The following MAST4 variants were observed in gnomAD, a reference collection of about 807,000 sequenced individuals.
MAST4 encodes microtubule-associated serine/threonine-protein kinase 4.
MAST4 carries 89 observed loss-of-function variants against 162.7 expected under a neutral mutation model. The observed-to-expected ratio is 0.55, with a 90% confidence interval of 0.46 to 0.65. MAST4 has a LOEUF of 0.65. MAST4 is among the 30% of genes least tolerant of loss of function. MAST4 has a pLI of 0.00. For synonymous variants in MAST4, 1,479 were observed against 1,361.1 expected (o/e 1.09, Z -1.91); for missense variants, 3,153 against 3,374.0 (o/e 0.93, Z 1.62).
chr5:67,131,709 G>A, intron 15 of MAST4, 104 bp from the exon 16 acceptor site: 1 of 1,148,648 alleles, frequency 8.7e-7, no homozygotes, highest in Non-Finnish European at 1.3e-6. Context: ...GATATGCTGT[G>A]TCTATGGGTA....
Position 67,162,632 on chromosome 5 carries a change from G to T in MAST4, c.3811G>T (p.Ala1271Ser), listed in dbSNP as rs1773324991. ...ERRRSLFKKLAKQPSPLLHTS... is the reference protein window; with the variant it reads ...ERRRSLFKKLSKQPSPLLHTS... Reference sequence around the variant, plus strand: ...GAGGAGATCTCTTTTCAAAAAGCTAGCCAAGCAGCCTTCTCCTTTACTCCA... The same window carrying T: ...GAGGAGATCTCTTTTCAAAAAGCTATCCAAGCAGCCTTCTCCTTTACTCCA... The change falls in exon 28 of 29, where the codon GCC (alanine) becomes TCC (serine). Residue 1271 changes from alanine to serine, a missense_variant. By Grantham distance (99) the Ala-to-Ser change is moderately conservative. Around this residue, in one of 7 missense-constraint regions of MAST4, gnomAD observed 619 missense variants for 744.2 expected, o/e 0.83. Transcript: ENST00000403625. The T allele has an allele frequency of 6.2e-7, 1 of 1,613,546 alleles. No homozygotes were observed. Among genetic ancestry groups the T allele is most frequent in the Admixed American group, 1.7e-5 (1 of 59,974 alleles).
At chr5:66,782,614 A>T (rs2149663408) in intron 2 of MAST4, among the ~76,000 whole-genome samples, 1 of 152,348 alleles carries the variant, frequency 6.6e-6, no homozygotes, top group African/African-American at 2.4e-5. Context: ...TCATGCCAGT[A>T]GAAAACATTT....
chr5:67,066,228 G>A (rs756044194), intron 5 of MAST4, among the ~76,000 whole-genome samples: 48 of 151,598 alleles, frequency 3.2e-4, no homozygotes, highest in Admixed American at 1.1e-3. Context: ...TAAGAACAAA[G>A]AAGAATTGAA....
In MAST4 at chr5:67,048,987, G is replaced by GTATA. The variant is rs34164320; in HGVS notation, c.675-5406_675-5403dup. 6.8e-3 allele frequency among the ~76,000 whole-genome samples: 697 copies of GTATA among 102,382 alleles called. 12 individuals carry two copies. The highest frequency in any genetic ancestry group is 0.014 in the South Asian group (44 of 3,040). The allele number at this position is 102,382 out of a possible 152,430, so 67.2% of individuals were successfully genotyped here. A position where few individuals can be genotyped will look rare whatever the true frequency, so the allele number is the denominator to read the frequency against. ...ACATATAGCATATATATATATATAT[G>GTATA]TATATATATATATACACACACATAT... On this transcript the variant is annotated intron_variant, in intron 4 of 28. Transcript: ENST00000403625.
chr5:66,837,677 A>G (rs1758073427), intron 3 of MAST4, among the ~76,000 whole-genome samples: 2 of 151,792 alleles, frequency 1.3e-5, no homozygotes, highest in South Asian at 2.1e-4. Context: ...CAGCAATTCA[A>G]TTAGCATCTC....
chr5:66,762,209 A>G (rs1580390863), intron 2 of MAST4, among the ~76,000 whole-genome samples: 1 of 152,310 alleles, frequency 6.6e-6, no homozygotes, highest in East Asian at 1.9e-4. Flanking sequence ...TTGGTAACTA[A>G]GTCTTTGGTC....
At chr5:66,754,499 T>C (rs1753404008) in intron 1 of MAST4, among the ~76,000 whole-genome samples, 1 of 152,238 alleles carries the variant, frequency 6.6e-6, no homozygotes, top group African/African-American at 2.4e-5. Flanking sequence ...TATAATTTTA[T>C]TCTATTTTTT....
chr5:66,818,570 A>G (rs1386504998), intron 3 of MAST4, among the ~76,000 whole-genome samples: 3 of 152,084 alleles, frequency 2.0e-5, no homozygotes, highest in East Asian at 3.8e-4. Flanking sequence ...CTTCCTATGT[A>G]TATCTCCTTG....
rs554135142 is a variant in MAST4 at position 67,118,726 on chromosome 5, C to A, written c.1636C>A (p.Pro546Thr). ...GNYDSGTAETPETDESVSSSN... is the reference protein window; with the variant it reads ...GNYDSGTAETTETDESVSSSN... ...CTACGATAGTGGGACAGCAGAAACACCAGAAACAGATGAATCAGTGAGTGT... is the reference window on the plus strand; with the variant it reads ...CTACGATAGTGGGACAGCAGAAACAACAGAAACAGATGAATCAGTGAGTGT... Residue 546 changes from proline (P) to threonine (T), a missense_variant, in exon 13 of 29, where the codon CCA becomes ACA. Pro to Thr is a conservative substitution (Grantham distance 38). Coordinates refer to ENST00000403625, the MANE Select transcript of MAST4 (RefSeq NM_001164664.2). The A allele has an allele frequency of 4.4e-6, 7 of 1,574,298 alleles. No individual in the cohort carries two copies. In the African/African-American group the frequency reaches 6.8e-5, roughly 15 times the overall value.
intron 1 of MAST4, among the ~76,000 whole-genome samples, chr5:66,744,122 G>A (rs1752619877): frequency 6.6e-6 from 1 of 151,810 alleles, no homozygotes; most frequent in African/African-American, 2.4e-5. Context: ...AAGAAATAAA[G>A]CTGATAAGAT....
At chr5:66,974,550 A>C (rs1747887907) in intron 4 of MAST4, among the ~76,000 whole-genome samples, 1 of 152,202 alleles carries the variant, frequency 6.6e-6, no homozygotes, top group South Asian at 2.1e-4. Flanking sequence ...ACGCGTTACA[A>C]ATGACACTCA....
At chr5:66,699,786 A>G (rs915045722) in intron 1 of MAST4, among the ~76,000 whole-genome samples, 4 of 152,074 alleles carry the variant, frequency 2.6e-5, no homozygotes, top group Non-Finnish European at 4.4e-5. Context: ...GGGAGGGAGA[A>G]CATCAGGATA....
intron 1 of MAST4, among the ~76,000 whole-genome samples, chr5:66,751,277 C>G (rs530189852): frequency 5.3e-5 from 8 of 151,654 alleles, no homozygotes; most frequent in South Asian, 2.1e-4. Flanking sequence ...TCACCAGCAA[C>G]GGAACAAAGC....
At chr5:66,636,485 G>C (rs947692013) in intron 1 of MAST4, among the ~76,000 whole-genome samples, 7 of 152,212 alleles carry the variant, frequency 4.6e-5, no homozygotes, top group African/African-American at 1.7e-4. Context: ...GGGAGGGAGA[G>C]GGTTGATACT....
intron 1 of MAST4, among the ~76,000 whole-genome samples, chr5:66,608,236 A>C (rs1052685384): frequency 1.2e-4 from 18 of 150,228 alleles, no homozygotes; most frequent in African/African-American, 4.4e-4. Flanking sequence ...TTGTATTTTT[A>C]GTAGAGACAG....
At chr5:66,931,297 T>A (rs2150074564) in intron 4 of MAST4, among the ~76,000 whole-genome samples, 1 of 152,288 alleles carries the variant, frequency 6.6e-6, no homozygotes, top group East Asian at 1.9e-4. Flanking sequence ...TTTTTAAAGG[T>A]TTATTTCTGA....
At chr5:66,952,797 T>C (rs1452261948) in intron 4 of MAST4, among the ~76,000 whole-genome samples, 4 of 151,336 alleles carry the variant, frequency 2.6e-5, no homozygotes, top group African/African-American at 9.7e-5. Flanking sequence ...CTGGCAATTT[T>C]CATCCTGCAG....
intron 3 of MAST4, among the ~76,000 whole-genome samples, chr5:66,871,950 C>T (rs997105178): frequency 1.1e-4 from 17 of 152,130 alleles, no homozygotes; most frequent in African/African-American, 1.9e-4. Context: ...GTTTCATTGA[C>T]GAAAGCCTGT....
intron 5 of MAST4, among the ~76,000 whole-genome samples, chr5:67,062,127 C>T (rs1413982770): frequency 6.6e-6 from 1 of 152,178 alleles, no homozygotes; most frequent in South Asian, 2.1e-4. Flanking sequence ...CTGGGCTGGG[C>T]GCGGTGGCTC....
Sources: gnomAD v4.1 joint callset for allele counts (sites outside exome capture counted in the v4.1 genomes callset) on GRCh38, gnomAD v4.1.1 for gene constraint, gnomAD v4.1.1 regional missense constraint, MANE v1.5 for transcripts, NCBI Gene and HGNC (gene_info 2026-07-23, HGNC 2026-07-21) for gene names.